The following WWTR1 variants were observed in gnomAD, a reference collection of about 807,000 sequenced individuals.
WWTR1 encodes WW domain-containing transcription regulator protein 1.
WWTR1 carries 13 observed loss-of-function variants against 40.1 expected under a neutral mutation model. The observed-to-expected ratio is 0.32, with a 90% CI of 0.21 to 0.52. The LOEUF (loss-of-function observed/expected upper bound fraction) is 0.52. WWTR1 is among the 20% of genes least tolerant of loss of function. The pLI is 0.97. For missense variants in WWTR1, 436 were observed against 523.1 expected, an observed-to-expected ratio of 0.83 and a Z score of 1.63; for synonymous variants, 230 against 210.1, an observed-to-expected ratio of 1.09 and a Z score of -0.82.
At chr3:149,606,304 C>T (rs1739484005) in intron 2 of WWTR1, among the ~76,000 whole-genome samples, 1 of 152,134 alleles carries the variant, frequency 6.6e-6, no homozygotes, top group Non-Finnish European at 1.5e-5. Flanking sequence ...CCGCTTTAAG[C>T]GTTTCAGGTC....
At chr3:149,523,958 C>T (rs111778442) in intron 6 of WWTR1, among the ~76,000 whole-genome samples, 10 of 152,366 alleles carry the variant, frequency 6.6e-5, no homozygotes, top group African/African-American at 1.7e-4. Flanking sequence ...CTGATTCTCA[C>T]TTAACCAGGT....
At chr3:149,555,439 C>A (rs866854651) in intron 3 of WWTR1, among the ~76,000 whole-genome samples, 1 of 146,572 alleles carries the variant, frequency 6.8e-6, no homozygotes, top group African/African-American at 2.5e-5. Flanking sequence ...TAAGCAAAAA[C>A]AATAGTGTGG....
chr3:149,603,854 CAAAA>C (rs370980729), intron 2 of WWTR1, among the ~76,000 whole-genome samples: 7,793 of 83,146 alleles, frequency 0.094, 484 homozygotes, highest in East Asian at 0.31. Context: ...AGCGGCATAC[CAAAA>C]AAAAAAAAAA....
At chr3:149,635,171 G>C (rs563500559) in intron 2 of WWTR1, among the ~76,000 whole-genome samples, 4 of 152,184 alleles carry the variant, frequency 2.6e-5, no homozygotes, top group African/African-American at 9.6e-5. Flanking sequence ...CAGTGCTCTG[G>C]GTCTCCATAT....
chr3:149,634,566 A>T (rs1404076018), intron 2 of WWTR1, among the ~76,000 whole-genome samples: 1 of 152,198 alleles, frequency 6.6e-6, no homozygotes, highest in Non-Finnish European at 1.5e-5. Context: ...AGGAGAAATA[A>T]ATCAGAAAAC....
intron 2 of WWTR1, among the ~76,000 whole-genome samples, chr3:149,622,502 G>GAAAGAAAGAAAGAAAGAAAGAAAGA (rs1553800284): frequency 1.5e-4 from 7 of 46,324 alleles, no homozygotes; most frequent in Admixed American, 3.0e-4. Context: ...AGGAAGGAAG[G>GAAAGAAAGAAAGAAAGAAAGAAAGA]AAGAAAGAAA....
chr3:149,562,359 A>G (rs1013993429), intron 3 of WWTR1, among the ~76,000 whole-genome samples: 9 of 152,096 alleles, frequency 5.9e-5, no homozygotes, highest in African/African-American at 2.2e-4. Context: ...AGCTACAAAA[A>G]AGAATATAGA....
chr3:149,589,562 G>C (rs953896820), intron 2 of WWTR1, among the ~76,000 whole-genome samples: 5 of 151,750 alleles, frequency 3.3e-5, no homozygotes, highest in Non-Finnish European at 5.9e-5. Flanking sequence ...CGTGCAATGA[G>C]TTAAACAGGA....
chr3:149,625,249 G>C (rs1421892692), intron 2 of WWTR1, among the ~76,000 whole-genome samples: 1 of 151,494 alleles, frequency 6.6e-6, no homozygotes, highest in Non-Finnish European at 1.5e-5. Flanking sequence ...AGCCTCCCAA[G>C]TAGCTGGGAC....
At chr3:149,610,970 C>T (rs1739710032) in intron 2 of WWTR1, among the ~76,000 whole-genome samples, 1 of 149,618 alleles carries the variant, frequency 6.7e-6, no homozygotes, top group South Asian at 2.1e-4. Flanking sequence ...AACCAAGACC[C>T]CATCTGTACA....
chr3:149,713,608 T>C (rs1385512800), intron 5 of WWTR1, among the ~76,000 whole-genome samples: 1 of 152,206 alleles, frequency 6.6e-6, no homozygotes, highest in Non-Finnish European at 1.5e-5. Flanking sequence ...CTCGAACTCC[T>C]GACCTCAGGT....
At chr3:149,523,511 G>A (rs922391841) in intron 6 of WWTR1, among the ~76,000 whole-genome samples, 2 of 152,260 alleles carry the variant, frequency 1.3e-5, no homozygotes, top group Middle Eastern at 3.4e-3. Context: ...GCCTACCAAA[G>A]TGCTGGGATT....
intron 6 of WWTR1, among the ~76,000 whole-genome samples, chr3:149,522,911 A>G (rs1407032903): frequency 2.0e-5 from 3 of 151,700 alleles, no homozygotes; most frequent in Non-Finnish European, 4.4e-5. Context: ...AAAACCCCAA[A>G]AAAACAGTGC....
upstream of WWTR1, among the ~76,000 whole-genome samples, chr3:149,707,198 T>G (rs760775443): frequency 5.3e-5 from 8 of 152,204 alleles, no homozygotes; most frequent in Admixed American, 2.6e-4. Context: ...AAAAAAGAAC[T>G]AGGGGAGGGA....
rs964138214 is a variant in WWTR1, at chr3:149,654,267, C to G, written c.431+2609G>C. Among the ~76,000 whole-genome samples the G allele has an allele frequency of 3.3e-5, 5 of 152,182 alleles. 1 individual carries two copies. Among genetic ancestry groups the G allele is most frequent in the Admixed American group, 2.0e-4 (3 of 15,274 alleles). ...CTACTTAATCCACTGAAATACACTGCCTTTTGAGGCTGTGTAACAAAGTGT... is the reference window on the plus strand; with the variant it reads ...CTACTTAATCCACTGAAATACACTGGCTTTTGAGGCTGTGTAACAAAGTGT... On this transcript the variant is annotated intron_variant, in intron 2 of 6. Transcript: ENST00000360632.
chr3:149,684,646 C>A (rs1028442498), intron 1 of WWTR1, among the ~76,000 whole-genome samples: 7 of 152,042 alleles, frequency 4.6e-5, no homozygotes, highest in Admixed American at 2.0e-4. Context: ...TCACTGCAGG[C>A]CCAACCTCCT....
At chr3:149,616,448 T>C (rs1352622480) in intron 2 of WWTR1, among the ~76,000 whole-genome samples, 1 of 151,958 alleles carries the variant, frequency 6.6e-6, no homozygotes. Flanking sequence ...CTCTCTCTTT[T>C]TTTTTTTTTC....
At chr3:149,645,224 T>C (rs140288150) in intron 2 of WWTR1, among the ~76,000 whole-genome samples, 6,440 of 152,160 alleles carry the variant, frequency 0.042, 426 homozygotes, top group African/African-American at 0.14. Flanking sequence ...GGACTACAGG[T>C]GCCCGCCACC....
intron 1 of WWTR1, among the ~76,000 whole-genome samples, chr3:149,694,552 G>A (rs1465353155): frequency 6.6e-6 from 1 of 152,134 alleles, no homozygotes. Context: ...CATACAAATG[G>A]CAAGCAGGTG....
Sources: allele counts gnomAD v4.1 joint callset (sites outside exome capture counted in the v4.1 genomes callset), GRCh38; gene constraint gnomAD v4.1.1; transcripts MANE v1.5; gene names NCBI Gene and HGNC (gene_info 2026-07-23, HGNC 2026-07-21).